Variants in RABIF observed in about 807,000 individuals in gnomAD.
RABIF encodes RAB interacting factor.
In RABIF, 13 loss-of-function variants were observed where a neutral mutation model predicts 12.3. The observed-to-expected ratio is 1.06, with a 90% CI of 0.69 to 1.68. RABIF has a LOEUF of 1.68. Among genes scored for constraint, RABIF ranks in the 40% most tolerant of loss-of-function variants. The pLI, the probability that RABIF is intolerant of heterozygous loss-of-function variation, is 0.00. For missense variants in RABIF, 153 were observed against 158.0 expected (o/e 0.97, Z 0.17); for synonymous variants, 70 against 63.3 (o/e 1.11, Z -0.50).
Position 202,880,517 on chromosome 1 carries a change from C to T in RABIF, c.*461G>A. On this transcript the variant is annotated 3_prime_UTR_variant, in exon 2 of 2. Transcript: ENST00000367262. ...AATTACTGTAGATCACAAGGGTAGCCATACAACAAAGTCACTCTCAGATAT... is the reference window on the plus strand; with the variant it reads ...AATTACTGTAGATCACAAGGGTAGCTATACAACAAAGTCACTCTCAGATAT... 5.1e-6 allele frequency: 1 copy of T among 197,370 alleles called. No homozygotes were observed. Among genetic ancestry groups the T allele is most frequent in the Non-Finnish European group, 9.2e-6 (1 of 108,248 alleles). 12.2% of individuals were successfully genotyped at this position (197,370 alleles called of 1,614,324 possible).
intron 1 of RABIF, among the ~76,000 whole-genome samples, chr1:202,886,586 AAAAC>A: frequency 1.3e-5 from 2 of 152,172 alleles, no homozygotes; most frequent in South Asian, 4.2e-4. Context: ...CTCCATCTCA[AAAAC>A]AAAACAAAAC....
At chr1:202,886,423 T>G (rs1339114981) in intron 1 of RABIF, among the ~76,000 whole-genome samples, 1 of 151,884 alleles carries the variant, frequency 6.6e-6, no homozygotes, top group Non-Finnish European at 1.5e-5. Context: ...CCATCTCTAC[T>G]AAAAATACAA....
chr1:202,880,015 C>T lies in RABIF; in HGVS notation c.*963G>A, dbSNP rs1659464526. 1 of 152,188 alleles carries T rather than the reference C, an allele frequency of 6.6e-6. No homozygotes were observed. Among genetic ancestry groups the T allele is most frequent in the Non-Finnish European group, 1.5e-5 (1 of 68,034 alleles). 9.4% of individuals were successfully genotyped at this position (152,188 alleles called of 1,614,324 possible). ...TGGAAGTTTGTATCCTGGGTTGGCA[C>T]AGAGATTCCAGTTGAACCAAAACTC... On this transcript the variant is annotated 3_prime_UTR_variant, in exon 2 of 2. Coordinates refer to ENST00000367262, the MANE Select transcript of RABIF (RefSeq NM_002871.5).
rs1571507075 is a variant in RABIF, at chr1:202,889,059, C to T, written c.40G>A (p.Glu14Lys). ...AEQPSELVSA[E>K]GRNRKAVLCQ... ...AGCACCGCCTTCCGGTTTCGGCCCTCGGCTGACACTAACTCGCTCGGCTGC... is the reference window on the plus strand; with the variant it reads ...AGCACCGCCTTCCGGTTTCGGCCCTTGGCTGACACTAACTCGCTCGGCTGC... The change falls in exon 1 of 2, where the codon GAG becomes AAG. Residue 14 changes from glutamate to lysine, a missense_variant. By Grantham distance (56) the Glu-to-Lys change is moderately conservative. This residue lies in a region of RABIF where 113 missense variants were observed against 90.9 expected (regional missense o/e 1.24). Transcript: ENST00000367262. 6.2e-7 allele frequency: 1 copy of T among 1,611,216 alleles called. No individual in the cohort carries two copies. Among genetic ancestry groups the T allele is most frequent in the East Asian group, 2.2e-5 (1 of 44,512 alleles).
intron 1 of RABIF, among the ~76,000 whole-genome samples, chr1:202,887,520 T>C (rs1475365733): frequency 1.4e-5 from 2 of 147,730 alleles, no homozygotes; most frequent in African/African-American, 5.0e-5. Flanking sequence ...TTTTTTGAGA[T>C]GGTGTCTCGT....
Position 202,881,035 on chromosome 1 carries a change from A to G in RABIF, c.315T>C (p.His105=). The G allele has an allele frequency of 6.2e-7, 1 of 1,614,134 alleles. No homozygotes were observed. Among genetic ancestry groups the G allele is most frequent in the East Asian group, 2.2e-5 (1 of 44,888 alleles). ...ADCEIGPIGW[H]CLDDKNSFYV... ...AGAAACTGTTCTTGTCATCTAGGCA[A>G]TGCCAGCCAATTGGTCCAATTTCAC... The change falls in exon 2 of 2, where the codon CAT becomes CAC. Residue 105 remains histidine (H), a synonymous_variant. Coordinates refer to ENST00000367262, the MANE Select transcript of RABIF (RefSeq NM_002871.5).
chr1:202,888,571 C>T (rs1659599017), intron 1 of RABIF, among the ~76,000 whole-genome samples: 1 of 152,222 alleles, frequency 6.6e-6, no homozygotes, highest in South Asian at 2.1e-4. Flanking sequence ...TGAGCGGCGG[C>T]CGAGAGGCAC....
intron 1 of RABIF, among the ~76,000 whole-genome samples, chr1:202,884,877 G>C (rs1659536788): frequency 6.6e-6 from 1 of 152,012 alleles, no homozygotes; most frequent in Non-Finnish European, 1.5e-5. Flanking sequence ...CTGAGGTCAG[G>C]AGTTCAAGAC....
chr1:202,878,339 CAGG>C lies in RABIF; in HGVS notation c.*2636_*2638del, dbSNP rs1421320867. Among the ~76,000 whole-genome samples, 2 of 152,192 alleles carry C rather than the reference CAGG, an allele frequency of 1.3e-5. No individual in the cohort carries two copies. Among genetic ancestry groups the C allele is most frequent in the Non-Finnish European group, 2.9e-5 (2 of 68,030 alleles). On this transcript the variant is annotated 3_prime_UTR_variant, in exon 2 of 2. Coordinates refer to ENST00000367262, the MANE Select transcript of RABIF (RefSeq NM_002871.5). Reference sequence around the variant, plus strand: ...CACCTCCAAGTTTGGCAAATGCTCCCAGGAGAACGGTGGCCCTCACACCAAGCC... The same window carrying C: ...CACCTCCAAGTTTGGCAAATGCTCCCAGAACGGTGGCCCTCACACCAAGCC...
intron 1 of RABIF, among the ~76,000 whole-genome samples, chr1:202,887,849 G>T (rs573477304): frequency 1.3e-5 from 2 of 152,260 alleles, no homozygotes; most frequent in East Asian, 3.9e-4. Flanking sequence ...TCAATTCCAT[G>T]TATGTTTCAA....
chr1:202,888,962 T>C lies in RABIF; in HGVS notation c.126+11A>G, dbSNP rs1046818912. On this transcript the variant is annotated intron_variant, in intron 1 of 1. Coordinates refer to ENST00000367262, the MANE Select transcript of RABIF (RefSeq NM_002871.5). ...CTGTGGGTGTAAACGGCCTCCAACCTGCCTCCCTACCTGTCGGCGAGAGAA... is the reference window on the plus strand; with the variant it reads ...CTGTGGGTGTAAACGGCCTCCAACCCGCCTCCCTACCTGTCGGCGAGAGAA... 1.2e-5 allele frequency: 18 copies of C among 1,543,386 alleles called. No individual in the cohort carries two copies. The African/African-American group carries it at 2.3e-4, about 20-fold the overall frequency.
rs1659454929 is a variant in RABIF at position 202,879,381 on chromosome 1, C to T, written c.*1597G>A. 6.6e-6 allele frequency: 1 copy of T among 152,236 alleles called. No homozygotes were observed. Among genetic ancestry groups the T allele is most frequent in the African/African-American group, 2.4e-5 (1 of 41,450 alleles). 9.4% of individuals were successfully genotyped at this position (152,236 alleles called of 1,614,324 possible). A position where few individuals can be genotyped will look rare whatever the true frequency, so the allele number is the denominator to read the frequency against. ...TTTTTTAAATAGAGATGGGGTCTCA[C>T]TATGTTGCCCAGGCTAGTCTCAAAC... is the stretch of plus-strand genomic sequence containing the variant. On this transcript the variant is annotated 3_prime_UTR_variant, in exon 2 of 2. Transcript: ENST00000367262.
rs1000615324 is a variant in RABIF at position 202,880,930 on chromosome 1, G to C, written c.*48C>G. On this transcript the variant is annotated 3_prime_UTR_variant, in exon 2 of 2. Transcript: ENST00000367262. ...ACCACATTAAAGGCCAGTTCTTGTGGGGAGTAGGTTTATCTTTGGAGATGG... is the reference window on the plus strand; with the variant it reads ...ACCACATTAAAGGCCAGTTCTTGTGCGGAGTAGGTTTATCTTTGGAGATGG... The C allele has an allele frequency of 5.0e-6, 8 of 1,599,968 alleles. No individual in the cohort carries two copies. The African/African-American group carries it at 9.4e-5, about 19-fold the overall frequency.
chr1:202,880,798 T>C lies in RABIF; in HGVS notation c.*180A>G, dbSNP rs971399572. ...TACAAAGTGAACTAAGCAGGAGGCA[T>C]GTACTTGAGGCTTTAGGAAGCAGGA... On this transcript the variant is annotated 3_prime_UTR_variant, in exon 2 of 2. Coordinates refer to ENST00000367262, the MANE Select transcript of RABIF (RefSeq NM_002871.5). The C allele has an allele frequency of 2.7e-5, 38 of 1,394,430 alleles. No homozygotes were observed. Among genetic ancestry groups the C allele is most frequent in the Admixed American group, 8.7e-5 (3 of 34,526 alleles). 86.4% of individuals were successfully genotyped at this position (1,394,430 alleles called of 1,614,324 possible). A position where few individuals can be genotyped will look rare whatever the true frequency, so the allele number is the denominator to read the frequency against.
In RABIF at chr1:202,881,114, T is replaced by C. The variant is rs1659482583; in HGVS notation, c.236A>G (p.Asn79Ser). ...GCCCACGTCCTTGGTGAAGCCCACA[T>C]TCTCAAAAATGAACATGTCCTCAAC... The part of the protein sequence containing the change: ...WLVEDMFIFE[N>S]VGFTKDVGNI... Residue 79 changes from asparagine to serine, a missense_variant, in exon 2 of 2, where the codon AAT becomes AGT. Coordinates refer to ENST00000367262, the MANE Select transcript of RABIF (RefSeq NM_002871.5). The C allele has an allele frequency of 1.1e-5, 17 of 1,614,164 alleles. No individual in the cohort carries two copies. Among genetic ancestry groups the C allele is most frequent in the Non-Finnish European group, 1.4e-5 (17 of 1,180,022 alleles).
chr1:202,880,738 C>A lies in RABIF; in HGVS notation c.*240G>T, dbSNP rs766806189. 1.8e-5 allele frequency: 23 copies of A among 1,269,950 alleles called. No homozygotes were observed. Among genetic ancestry groups the A allele is most frequent in the Non-Finnish European group, 2.2e-5 (22 of 1,001,874 alleles). 78.7% of individuals were successfully genotyped at this position (1,269,950 alleles called of 1,614,324 possible). ...ATTTTTGGAGGTAAGCACAGTGTCCCAAAACTGGGGGAAAAGGGAGCTTAG... is the reference window on the plus strand; with the variant it reads ...ATTTTTGGAGGTAAGCACAGTGTCCAAAAACTGGGGGAAAAGGGAGCTTAG... On this transcript the variant is annotated 3_prime_UTR_variant, in exon 2 of 2. Coordinates refer to ENST00000367262, the MANE Select transcript of RABIF (RefSeq NM_002871.5).
chr1:202,884,532 G>T (rs1372562403), intron 1 of RABIF, among the ~76,000 whole-genome samples: 1 of 152,126 alleles, frequency 6.6e-6, no homozygotes, highest in South Asian at 2.1e-4. Flanking sequence ...CTTCTCATGG[G>T]ACACTTGTGC....
intron 1 of RABIF, among the ~76,000 whole-genome samples, chr1:202,886,471 A>G (rs1177615938): frequency 6.6e-6 from 1 of 152,078 alleles, no homozygotes; most frequent in African/African-American, 2.4e-5. Context: ...CTGTAATCCC[A>G]GCTACTTGGG....
rs779708894 is a variant in RABIF, at chr1:202,889,079, G to A, written c.20C>T (p.Pro7Leu). MEPAEQ[P>L]SELVSAEGRN... Reference sequence around the variant, plus strand: ...GCCCTCGGCTGACACTAACTCGCTCGGCTGCTCCGCTGGTTCCATCGCCGC... The same window carrying A: ...GCCCTCGGCTGACACTAACTCGCTCAGCTGCTCCGCTGGTTCCATCGCCGC... The change falls in exon 1 of 2, where the codon CCG (proline) becomes CTG (leucine). Residue 7 changes from proline (P) to leucine (L), a missense_variant. Around this residue, in one of 2 missense-constraint regions of RABIF, gnomAD observed 113 missense variants for 90.9 expected, o/e 1.24. Coordinates refer to ENST00000367262, the MANE Select transcript of RABIF (RefSeq NM_002871.5). 1.2e-5 allele frequency: 19 copies of A among 1,608,530 alleles called. No homozygotes were observed. Among genetic ancestry groups the A allele is most frequent in the Non-Finnish European group, 1.4e-5 (17 of 1,178,212 alleles).
Sources: gnomAD v4.1 joint callset for allele counts (sites outside exome capture counted in the v4.1 genomes callset) on GRCh38, gnomAD v4.1.1 for gene constraint, gnomAD v4.1.1 regional missense constraint, MANE v1.5 for transcripts, NCBI Gene and HGNC (gene_info 2026-07-23, HGNC 2026-07-21) for gene names.